Variants in SLC9A2 observed in about 807,000 individuals in gnomAD.
SLC9A2 encodes sodium/hydrogen exchanger 2.
In SLC9A2, 42 loss-of-function variants were observed where a neutral mutation model predicts 71.7. The ratio of observed to expected loss-of-function variants is 0.59; its 90% CI spans 0.46 to 0.76. The LOEUF (loss-of-function observed/expected upper bound fraction) is 0.76. SLC9A2 is among the 30% of genes least tolerant of loss of function. SLC9A2 has a pLI of 0.00. For synonymous variants in SLC9A2, 396 were observed against 392.5 expected, an observed-to-expected ratio of 1.01 and a Z score of -0.10; for missense variants, 829 against 1,017.4, an observed-to-expected ratio of 0.81 and a Z score of 2.52.
Position 102,708,482 on chromosome 2 carries a change from A to G in SLC9A2, c.2432A>G (p.Lys811Arg), listed in dbSNP as rs1678031970. Residue 811 changes from lysine (K) to arginine (R), a missense_variant, in exon 12 of 12, where the codon AAG becomes AGG. By Grantham distance (26) the Lys-to-Arg change is conservative. Coordinates refer to ENST00000233969, the MANE Select transcript of SLC9A2 (RefSeq NM_003048.6). Reference sequence around the variant, plus strand: ...CGGAAAGCCCGATTTGGGAGTGAGAAGCCTTAAGAGAAGCAGCGAAAGCAG... The same window carrying G: ...CGGAAAGCCCGATTTGGGAGTGAGAGGCCTTAAGAGAAGCAGCGAAAGCAG... The part of the protein sequence containing the change: ...GSRKARFGSE[K>R]P 2 of 1,613,458 alleles carry G rather than the reference A, an allele frequency of 1.2e-6. No homozygotes were observed. The highest frequency in any genetic ancestry group is 4.5e-5 in the East Asian group (2 of 44,872).
At chr2:102,684,901 C>G (rs1677519864) in intron 5 of SLC9A2, among the ~76,000 whole-genome samples, 1 of 152,190 alleles carries the variant, frequency 6.6e-6, no homozygotes, top group Admixed American at 6.5e-5. Flanking sequence ...AAGTGCCAGG[C>G]AGTGCTCTAG....
At chr2:102,670,757 G>A (rs372358379) in intron 3 of SLC9A2, among the ~76,000 whole-genome samples, 1 of 151,370 alleles carries the variant, frequency 6.6e-6, no homozygotes, top group East Asian at 1.9e-4. Flanking sequence ...GTGAAGGTGC[G>A]AAGATCATCT....
At position 102,704,575 on chromosome 2, in the gene SLC9A2, C is replaced by T. The variant is rs1393376411; in HGVS notation, c.1877C>T (p.Ala626Val). The T allele has an allele frequency of 1.2e-6, 2 of 1,612,980 alleles. No homozygotes were observed. Among genetic ancestry groups the T allele is most frequent in the Non-Finnish European group, 1.7e-6 (2 of 1,179,318 alleles). ...TLSYNRHSLT[A>V]DTSERQAKEI... Reference sequence around the variant, plus strand: ...TCCTACAACAGACACAGTCTGACAGCCGACACAAGTGAGAGACAAGCCAAG... The same window carrying T: ...TCCTACAACAGACACAGTCTGACAGTCGACACAAGTGAGAGACAAGCCAAG... Residue 626 changes from alanine to valine, a missense_variant, in exon 10 of 12, where the codon GCC (alanine) becomes GTC (valine). By Grantham distance (64) the Ala-to-Val change is moderately conservative. Around this residue, in one of 3 missense-constraint regions of SLC9A2, gnomAD observed 500 missense variants for 726.3 expected, o/e 0.69. Coordinates refer to ENST00000233969, the MANE Select transcript of SLC9A2 (RefSeq NM_003048.6).
intron 5 of SLC9A2, chr2:102,689,639 T>C (rs972342917): frequency 6.6e-6 from 1 of 152,212 alleles, no homozygotes; most frequent in Non-Finnish European, 1.5e-5. Context: ...CCATAGAATT[T>C]AGAATACTTT....
At chr2:102,705,571 G>T (rs1201207446) in intron 10 of SLC9A2, among the ~76,000 whole-genome samples, 1 of 151,846 alleles carries the variant, frequency 6.6e-6, no homozygotes, top group East Asian at 1.9e-4. Context: ...AGATGTTTCA[G>T]TAGCTTTTCT....
rs1249834714 is a variant in SLC9A2 at position 102,657,740 on chromosome 2, T to G, written c.466T>G (p.Phe156Val). ...LPPIVLDAGY[F>V]MPTRPFFENI... ...ACCCATCGTGCTGGATGCCGGCTAT[T>G]TCATGCCCACTCGCCCATTCTTTGA... The change falls in exon 2 of 12, where the codon TTC becomes GTC. Residue 156 changes from phenylalanine (F) to valine (V), a missense_variant. By Grantham distance (50) the Phe-to-Val change is conservative. This residue lies in a region of SLC9A2 where 500 missense variants were observed against 726.3 expected (regional missense o/e 0.69). Coordinates refer to ENST00000233969, the MANE Select transcript of SLC9A2 (RefSeq NM_003048.6). 2 of 1,614,216 alleles carry G rather than the reference T, an allele frequency of 1.2e-6. No individual in the cohort carries two copies.
chr2:102,649,109 C>T (rs1482724219), intron 1 of SLC9A2, among the ~76,000 whole-genome samples: 1 of 152,190 alleles, frequency 6.6e-6, no homozygotes, highest in Non-Finnish European at 1.5e-5. Flanking sequence ...CAGCATGGTA[C>T]TGATACCAAA....
At chr2:102,652,431 C>T (rs1434061616) in intron 1 of SLC9A2, among the ~76,000 whole-genome samples, 1 of 152,126 alleles carries the variant, frequency 6.6e-6, no homozygotes, top group Non-Finnish European at 1.5e-5. Context: ...TTTCCCATGG[C>T]GCCCAGCCTT....
intron 7 of SLC9A2, among the ~76,000 whole-genome samples, chr2:102,695,770 AATATATATTAT>A (rs66646733): frequency 0.16 from 15,955 of 99,118 alleles, 1,848 homozygotes; most frequent in East Asian, 0.21. Context: ...ATATATATAT[AATATATATTAT>A]ATATATATTA....
rs1365184294 is a variant in SLC9A2 at position 102,708,246 on chromosome 2, GA to G, written c.2198del (p.Asn733MetfsTer3). 1 of 1,614,060 alleles carries G rather than the reference GA, an allele frequency of 6.2e-7. No homozygotes were observed. Among genetic ancestry groups the G allele is most frequent in the African/African-American group, 1.3e-5 (1 of 74,912 alleles). ...CCCAGTCCTATAAAATGGAATGGAA[GA>G]ATGAGGTAGATGTTGATTCTGGCCG... Reference protein sequence around the residue: ...SPQSYKMEWKNEVDVDSGRDM... With the variant: ...SPQSYKMEWKXEVDVDSGRDM... On this transcript the variant is annotated frameshift_variant, in exon 12 of 12. Coordinates refer to ENST00000233969, the MANE Select transcript of SLC9A2 (RefSeq NM_003048.6). LOFTEE classifies it low-confidence loss of function (END_TRUNC).
chr2:102,685,258 G>T (rs1677527046), intron 5 of SLC9A2, among the ~76,000 whole-genome samples: 1 of 152,220 alleles, frequency 6.6e-6, no homozygotes, highest in Admixed American at 6.5e-5. Context: ...AGTGTGGCTG[G>T]AGTGGCACAG....
In SLC9A2 at chr2:102,664,638, C is replaced by T. The variant is rs186093774; in HGVS notation, c.754-462C>T. On this transcript the variant is annotated intron_variant, in intron 2 of 11. Coordinates refer to ENST00000233969, the MANE Select transcript of SLC9A2 (RefSeq NM_003048.6). Reference sequence around the variant, plus strand: ...CTCATCTTGGGTACCTGTCCTGATGCGTAGGTCCCTTCTGTCATGTGGCTC... The same window carrying T: ...CTCATCTTGGGTACCTGTCCTGATGTGTAGGTCCCTTCTGTCATGTGGCTC... Among the ~76,000 whole-genome samples, 742 of 152,092 alleles carry T rather than the reference C, an allele frequency of 4.9e-3. 5 individuals carry two copies. Among genetic ancestry groups the T allele is most frequent in the African/African-American group, 0.017 (694 of 41,486 alleles).
intron 3 of SLC9A2, among the ~76,000 whole-genome samples, chr2:102,679,140 T>A (rs1677400667): frequency 6.6e-6 from 1 of 152,048 alleles, no homozygotes; most frequent in African/African-American, 2.4e-5. Context: ...ATGCACACAC[T>A]CCCTGAACAG....
intron 10 of SLC9A2, 35 bp from the exon 11 acceptor site, chr2:102,705,811 T>A: frequency 7.8e-7 from 1 of 1,286,198 alleles, no homozygotes; most frequent in Non-Finnish European, 1.1e-6. Context: ...GTGCCATTTG[T>A]ATAGTTTAAG....
chr2:102,653,572 C>T (rs2104516755), intron 1 of SLC9A2, among the ~76,000 whole-genome samples: 1 of 152,168 alleles, frequency 6.6e-6, no homozygotes, highest in East Asian at 1.9e-4. Context: ...GTGCATTGGC[C>T]TCTGTAATGC....
chr2:102,685,919 A>G (rs964902399), intron 5 of SLC9A2, among the ~76,000 whole-genome samples: 3 of 152,216 alleles, frequency 2.0e-5, no homozygotes, highest in African/African-American at 4.8e-5. Context: ...GAGTGAAAAT[A>G]TACATTGAAG....
intron 1 of SLC9A2, among the ~76,000 whole-genome samples, chr2:102,653,925 G>A (rs1206597828): frequency 1.3e-5 from 2 of 152,212 alleles, no homozygotes; most frequent in Admixed American, 1.3e-4. Flanking sequence ...TAAGTACTGT[G>A]CAGTTGACTG....
At chr2:102,633,907 C>T (rs1676420447) in intron 1 of SLC9A2, among the ~76,000 whole-genome samples, 1 of 152,166 alleles carries the variant, frequency 6.6e-6, no homozygotes, top group South Asian at 2.1e-4. Context: ...TCATTGCACA[C>T]ACATACACAC....
chr2:102,702,017 A>G (rs1276012474), intron 8 of SLC9A2, among the ~76,000 whole-genome samples: 2 of 152,240 alleles, frequency 1.3e-5, no homozygotes, highest in African/African-American at 4.8e-5. Context: ...GCAAATATTT[A>G]TGATGAGGTT....
Sources: allele counts gnomAD v4.1 joint callset (sites outside exome capture counted in the v4.1 genomes callset), GRCh38; gene constraint gnomAD v4.1.1; regional missense constraint gnomAD v4.1.1; transcripts MANE v1.5; gene names NCBI Gene and HGNC (gene_info 2026-07-23, HGNC 2026-07-21).